The following DOK7 variants were observed in gnomAD, a reference collection of about 807,000 sequenced individuals.
DOK7 encodes protein Dok-7.
Under a neutral mutation model 30.7 loss-of-function variants are expected in DOK7, and 32 were observed. The observed-to-expected ratio is 1.04, with a 90% CI of 0.79 to 1.40. The LOEUF (loss-of-function observed/expected upper bound fraction) is 1.40, where lower values mean the gene tolerates loss of function less well. Ranked by LOEUF, DOK7 falls within the 40% of genes most tolerant of loss-of-function variation. The pLI is 0.00. For missense variants in DOK7, 1,007 were observed against 699.2 expected, an observed-to-expected ratio of 1.44 and a Z score of -4.97; for synonymous variants, 447 against 324.1, an observed-to-expected ratio of 1.38 and a Z score of -4.07.
chr4:3,480,123 G>A (rs1727352806), intron 4 of DOK7, among the ~76,000 whole-genome samples: 1 of 152,238 alleles, frequency 6.6e-6, no homozygotes, highest in Admixed American at 6.5e-5. Flanking sequence ...CCTAGGAAGG[G>A]AGGGCTTTGG....
At chr4:3,491,180 CCTTCCCCCCTGCTCA>C (rs1348466768) in intron 6 of DOK7, among the ~76,000 whole-genome samples, 1 of 26,158 alleles carries the variant, frequency 3.8e-5, no homozygotes, top group African/African-American at 1.2e-4. Context: ...CTCATTCATT[CCTTCCCCCCTGCTCA>C]TTCCTTCCCC....
intron 2 of DOK7, among the ~76,000 whole-genome samples, chr4:3,468,419 T>C (rs1489811953): frequency 2.6e-5 from 4 of 151,596 alleles, no homozygotes; most frequent in East Asian, 3.9e-4. Context: ...GCAGTGTGTG[T>C]GCCTGTGTGA....
chr4:3,476,775 G>T (rs1727122342), intron 4 of DOK7, among the ~76,000 whole-genome samples: 1 of 152,178 alleles, frequency 6.6e-6, no homozygotes, highest in African/African-American at 2.4e-5. Flanking sequence ...CTTCCTCACT[G>T]GAGGGAGAGA....
chr4:3,500,706 C>T, exon 8 of DOK7: 1 of 1,535,834 alleles, frequency 6.5e-7, no homozygotes, highest in Admixed American at 2.0e-5. Context: ...TGGCGCCTCC[C>T]TCTACGCCCA....
Position 3,493,995 on chromosome 4 carries a change from C to A in DOK7, c.*494C>A, listed in dbSNP as rs1468806254. The stretch of plus-strand genomic sequence containing the variant: ...CCACCTGGGCTCCACCAGCCCAGCC[C>A]CCCTGGGCTCCGTGTGCGCTGGGCC... On this transcript the variant is annotated 3_prime_UTR_variant, in exon 7 of 7. Coordinates refer to ENST00000340083, the MANE Select transcript of DOK7 (RefSeq NM_173660.5). 1.0e-6 allele frequency: 1 copy of A among 973,066 alleles called. No homozygotes were observed. The highest frequency in any genetic ancestry group is 1.9e-5 in the African/African-American group (1 of 52,028). 60.3% of individuals were successfully genotyped at this position (973,066 alleles called of 1,614,324 possible). A position where few individuals can be genotyped will look rare whatever the true frequency, so the allele number is the denominator to read the frequency against.
In DOK7 at chr4:3,493,458, C is replaced by T; in HGVS notation, c.1472C>T (p.Ala491Val). The T allele has an allele frequency of 6.2e-7, 1 of 1,610,386 alleles. No individual in the cohort carries two copies. ...HAGPPPAFFS[A>V]CPVCGGLKVN... ...GGGCCACCCCCGGCTTTCTTTTCGG[C>T]ATGTCCAGTCTGTGGAGGACTCAAG... is the stretch of plus-strand genomic sequence containing the variant. The change falls in exon 7 of 7, where the codon GCA becomes GTA. Residue 491 changes from alanine to valine, a missense_variant. Ala to Val is a moderately conservative substitution (Grantham distance 64). Coordinates refer to ENST00000340083, the MANE Select transcript of DOK7 (RefSeq NM_173660.5).
chr4:3,485,343 T>G (rs1046575611), intron 4 of DOK7, 196 bp from the exon 5 acceptor site: 13 of 623,970 alleles, frequency 2.1e-5, no homozygotes, highest in African/African-American at 1.1e-4. Context: ...CAGAGCCAGG[T>G]GGGGTGTCGG....
At chr4:3,481,447 G>A (rs573462224) in intron 4 of DOK7, among the ~76,000 whole-genome samples, 9 of 151,944 alleles carry the variant, frequency 5.9e-5, no homozygotes, top group African/African-American at 1.7e-4. Flanking sequence ...GGAAGGGGGG[G>A]CCTTCTAGAG....
chr4:3,471,070 T>G (rs1331892312), intron 2 of DOK7, among the ~76,000 whole-genome samples: 2 of 152,222 alleles, frequency 1.3e-5, no homozygotes, highest in Admixed American at 6.5e-5. Context: ...GGTTGGCCAG[T>G]GTGTGCCCCT....
At position 3,493,469 on chromosome 4, in the gene DOK7, T is replaced by A; in HGVS notation, c.1483T>A (p.Cys495Ser). Residue 495 changes from cysteine (C) to serine (S), a missense_variant, in exon 7 of 7, where the codon TGT (cysteine) becomes AGT (serine). Cys to Ser is a moderately radical substitution (Grantham distance 112). Coordinates refer to ENST00000340083, the MANE Select transcript of DOK7 (RefSeq NM_173660.5). The stretch of plus-strand genomic sequence containing the variant: ...GGCTTTCTTTTCGGCATGTCCAGTC[T>A]GTGGAGGACTCAAGGTAAACCCCCC... ...PPAFFSACPV[C>S]GGLKVNPPP 6.2e-7 allele frequency: 1 copy of A among 1,611,040 alleles called. No individual in the cohort carries two copies. Among genetic ancestry groups the A allele is most frequent in the South Asian group, 1.1e-5 (1 of 90,762 alleles).
At position 3,493,854 on chromosome 4, in the gene DOK7, G is replaced by C. The variant is rs1175830205; in HGVS notation, c.*353G>C. Reference sequence around the variant, plus strand: ...GGTGCCAAGGGCTGGAGGCCCTGCCGCTGGCCTTGTCCTCCTTGGGCCTCA... The same window carrying C: ...GGTGCCAAGGGCTGGAGGCCCTGCCCCTGGCCTTGTCCTCCTTGGGCCTCA... On this transcript the variant is annotated 3_prime_UTR_variant, in exon 7 of 7. Coordinates refer to ENST00000340083, the MANE Select transcript of DOK7 (RefSeq NM_173660.5). 12 of 1,168,532 alleles carry C rather than the reference G, an allele frequency of 1.0e-5. No individual in the cohort carries two copies. The highest frequency in any genetic ancestry group is 1.3e-5 in the Non-Finnish European group (12 of 945,572). 72.4% of individuals were successfully genotyped at this position (1,168,532 alleles called of 1,614,324 possible).
At chr4:3,490,375 C>A (rs553843685) in intron 6 of DOK7, among the ~76,000 whole-genome samples, 1 of 88,256 alleles carries the variant, frequency 1.1e-5, no homozygotes. Context: ...TCCTTCCTTC[C>A]CCCCACCCCC....
chr4:3,472,800 A>G (rs1726833515), intron 2 of DOK7, among the ~76,000 whole-genome samples: 2 of 152,174 alleles, frequency 1.3e-5, no homozygotes, highest in African/African-American at 2.4e-5. Context: ...GCCGAGGAAG[A>G]GACTAGGGCC....
chr4:3,492,043 T>G (rs1366022023), intron 6 of DOK7, among the ~76,000 whole-genome samples: 3 of 152,158 alleles, frequency 2.0e-5, no homozygotes, highest in Non-Finnish European at 4.4e-5. Flanking sequence ...TTTGCCTTCC[T>G]GGGGGTGACT....
At chr4:3,480,779 G>A (rs1469652868) in intron 4 of DOK7, among the ~76,000 whole-genome samples, 1 of 152,232 alleles carries the variant, frequency 6.6e-6, no homozygotes, top group Non-Finnish European at 1.5e-5. Context: ...GCAGCAGGGA[G>A]CGCCTTCAGC....
chr4:3,496,791 T>G, downstream of DOK7: 2 of 1,534,782 alleles, frequency 1.3e-6, no homozygotes, highest in Non-Finnish European at 1.7e-6. Context: ...GACTGAAGGA[T>G]GCACTGACCC....
chr4:3,485,747 C>T, intron 5 of DOK7, 89 bp downstream of exon 5: 1 of 1,363,632 alleles, frequency 7.3e-7, no homozygotes, highest in Non-Finnish European at 9.5e-7. Flanking sequence ...ATTTGTCAGC[C>T]CCAGTTAGAT....
intron 6 of DOK7, among the ~76,000 whole-genome samples, chr4:3,490,818 TTCCTGCCTTCCCCCCATTC>T (rs1728317447): frequency 1.7e-5 from 1 of 59,210 alleles, no homozygotes; most frequent in Non-Finnish European, 3.1e-5. Flanking sequence ...CGCTCATTCA[TTCCTGCCTTCCCCCCATTC>T]ATTCCTTCCT....
downstream of DOK7, among the ~76,000 whole-genome samples, chr4:3,498,325 C>G (rs1577191810): frequency 6.6e-6 from 1 of 152,200 alleles, no homozygotes; most frequent in South Asian, 2.1e-4. Context: ...ACACTGCTGG[C>G]CCAGCGCTGC....
Sources: allele counts gnomAD v4.1 joint callset (sites outside exome capture counted in the v4.1 genomes callset), GRCh38; gene constraint gnomAD v4.1.1; transcripts MANE v1.5; gene names NCBI Gene and HGNC (gene_info 2026-07-23, HGNC 2026-07-21).